Variants in MED14 observed in about 807,000 individuals in gnomAD.
MED14 encodes mediator of RNA polymerase II transcription subunit 14.
A neutral mutation model predicts 109.0 loss-of-function variants in MED14; 8 were observed. That is an observed-to-expected ratio of 0.07 (90% confidence interval 0.04 to 0.13). The LOEUF (loss-of-function observed/expected upper bound fraction) is 0.13, where lower values mean the gene tolerates loss of function less well. MED14 is among the 10% of genes least tolerant of loss of function. The pLI is 1.00. For synonymous variants in MED14, 399 were observed against 408.7 expected (o/e 0.98, Z 0.29); for missense variants, 711 against 1,142.4 (o/e 0.62, Z 5.44).
rs745656215 is a variant in MED14, at chrX:40,697,270, TA to T, written c.1491-88del. ...CGATTTACAAATGATTAAAGACCAT[TA>T]AAAAAACAATTAATTGAAATTTAAC... is the stretch of plus-strand genomic sequence containing the variant. On this transcript the variant is annotated intron_variant, in intron 12 of 30. Coordinates refer to ENST00000324817, the MANE Select transcript of MED14 (RefSeq NM_004229.4). The T allele has an allele frequency of 1.1e-5, 6 of 525,834 alleles. No individual in the cohort carries two copies. The East Asian group carries it at 1.5e-4, about 13-fold the overall frequency. 43.3% of individuals were successfully genotyped at this position (525,834 alleles called of 1,213,427 possible). A position where few individuals can be genotyped will look rare whatever the true frequency, so the allele number is the denominator to read the frequency against.
chrX:40,691,736 C>T (rs1930518384), intron 15 of MED14, among the ~76,000 whole-genome samples: 1 of 107,551 alleles, frequency 9.3e-6, no homozygotes, highest in African/African-American at 3.4e-5. Flanking sequence ...TTCAGCCTCC[C>T]AAGTAGCTGG....
intron 12 of MED14, among the ~76,000 whole-genome samples, chrX:40,699,943 T>C (rs1485515795): frequency 9.1e-6 from 1 of 110,475 alleles, no homozygotes; most frequent in Non-Finnish European, 1.9e-5. Flanking sequence ...AAGTCAGGAG[T>C]TTGGGACCAG....
intron 22 of MED14, among the ~76,000 whole-genome samples, chrX:40,672,569 A>G (rs1367843545): frequency 1.8e-5 from 2 of 112,216 alleles, no homozygotes; most frequent in Non-Finnish European, 3.8e-5. Context: ...CAAATGTTGG[A>G]AATAATTATC....
chrX:40,699,193 A>G (rs1020490743), intron 12 of MED14, among the ~76,000 whole-genome samples: 1 of 112,470 alleles, frequency 8.9e-6, no homozygotes, highest in Non-Finnish European at 1.9e-5. Context: ...TCTACTTTAT[A>G]TGAAATGACC....
At chrX:40,668,243 C>G (rs1444716880) in intron 23 of MED14, among the ~76,000 whole-genome samples, 2 of 109,792 alleles carry the variant, frequency 1.8e-5, no homozygotes, top group Non-Finnish European at 3.8e-5. Flanking sequence ...ATTAGCCAGG[C>G]ACAGTGGCAT....
At chrX:40,725,320 T>C (rs1364757794) in intron 3 of MED14, among the ~76,000 whole-genome samples, 3 of 111,345 alleles carry the variant, frequency 2.7e-5, no homozygotes. Flanking sequence ...ACTTCCAAAC[T>C]CATTCTACAA....
intron 2 of MED14, among the ~76,000 whole-genome samples, chrX:40,727,480 A>T (rs1444554939): frequency 9.0e-6 from 1 of 111,716 alleles, no homozygotes. Context: ...TACTAAAAAT[A>T]AAAGGTCTGT....
chrX:40,716,945 GGGAGTTAAAAAAGT>G (rs750064840), intron 3 of MED14, among the ~76,000 whole-genome samples: 65 of 111,837 alleles, frequency 5.8e-4, no homozygotes, highest in Non-Finnish European at 1.1e-3. Flanking sequence ...TCTCCTATGT[GGGAGTTAAAAAAGT>G]GGATAACATG....
chrX:40,718,957 G>T (rs1380869399), intron 3 of MED14, among the ~76,000 whole-genome samples: 1 of 112,122 alleles, frequency 8.9e-6, no homozygotes, highest in Non-Finnish European at 1.9e-5. Flanking sequence ...TCACACACCA[G>T]CTGTGAATAT....
intron 3 of MED14, among the ~76,000 whole-genome samples, chrX:40,721,982 G>A (rs1375070410): frequency 9.0e-6 from 1 of 111,426 alleles, no homozygotes; most frequent in Non-Finnish European, 1.9e-5. Flanking sequence ...TATCTAGAAA[G>A]CCTCCTCAAG....
chrX:40,687,417 T>C (rs1930335892), intron 16 of MED14, among the ~76,000 whole-genome samples: 1 of 111,989 alleles, frequency 8.9e-6, no homozygotes, highest in African/African-American at 3.3e-5. Flanking sequence ...TTATTCTCCA[T>C]ATTGCTATCA....
At chrX:40,732,504 G>A (rs1430675997) in intron 1 of MED14, among the ~76,000 whole-genome samples, 1 of 103,632 alleles carries the variant, frequency 9.6e-6, no homozygotes, top group African/African-American at 3.7e-5. Context: ...GGGCAACACC[G>A]TGAGACTCTG....
intron 23 of MED14, among the ~76,000 whole-genome samples, chrX:40,667,201 C>T (rs1343959541): frequency 8.9e-6 from 1 of 111,884 alleles, no homozygotes; most frequent in African/African-American, 3.3e-5. Flanking sequence ...CCTGCCCTCA[C>T]AAAGCTTATA....
chrX:40,666,993 C>T (rs1359447209), intron 23 of MED14, 142 bp from the exon 24 acceptor site: 7 of 475,370 alleles, frequency 1.5e-5, no homozygotes, highest in African/African-American at 7.4e-5. Context: ...AAAACTGGCA[C>T]GATTTCATTA....
At chrX:40,652,202 G>A (rs1032640639) in intron 30 of MED14, among the ~76,000 whole-genome samples, 6 of 111,980 alleles carry the variant, frequency 5.4e-5, no homozygotes, top group East Asian at 2.8e-4. Context: ...GCTACTGAGT[G>A]CTTATAAGGG....
At chrX:40,681,026 T>G in intron 19 of MED14, 116 bp from the exon 20 acceptor site, 4 of 522,376 alleles carry the variant, frequency 7.7e-6, no homozygotes, top group Non-Finnish European at 1.2e-5. Flanking sequence ...AATTTTTTTT[T>G]GGAAAACAAG....
At chrX:40,708,839 T>C (rs1569294076) in intron 10 of MED14, among the ~76,000 whole-genome samples, 1 of 112,219 alleles carries the variant, frequency 8.9e-6, no homozygotes, top group Non-Finnish European at 1.9e-5. Flanking sequence ...GGATGAATTC[T>C]GCTTCACTCA....
chrX:40,677,477 T>C, intron 21 of MED14, among the ~76,000 whole-genome samples: 1 of 110,386 alleles, frequency 9.1e-6, no homozygotes, highest in Non-Finnish European at 1.9e-5. Flanking sequence ...AAAAGCAAGG[T>C]GAATAAAATA....
intron 21 of MED14, among the ~76,000 whole-genome samples, chrX:40,678,878 A>G (rs1347229863): frequency 8.9e-6 from 1 of 111,768 alleles, no homozygotes; most frequent in Non-Finnish European, 1.9e-5. Flanking sequence ...AGAATCAGAT[A>G]ATGCCCTCAA....
Sources: allele counts gnomAD v4.1 joint callset (sites outside exome capture counted in the v4.1 genomes callset), GRCh38; gene constraint gnomAD v4.1.1; transcripts MANE v1.5; gene names NCBI Gene and HGNC (gene_info 2026-07-23, HGNC 2026-07-21).